TAS2R1: variants seen among roughly 807,000 people sequenced by gnomAD.
TAS2R1 encodes taste 2 receptor member 1.
For missense variants in TAS2R1, 370 were observed against 353.4 expected, an observed-to-expected ratio of 1.05 and a Z score of -0.38; for synonymous variants, 141 against 134.2, an observed-to-expected ratio of 1.05 and a Z score of -0.35.
intron 1 of TAS2R1, among the ~76,000 whole-genome samples, chr5:9,705,391 T>C (rs963212083): frequency 3.9e-5 from 6 of 152,056 alleles, no homozygotes; most frequent in African/African-American, 1.4e-4. Flanking sequence ...ACTAAGCTAT[T>C]TAATGAAAAG....
the TAS2R1 span, among the ~76,000 whole-genome samples, chr5:9,829,457 T>C: frequency 0.29 from 43,345 of 152,082 alleles, 6,944 homozygotes; most frequent in Non-Finnish European, 0.37. Flanking sequence ...TATCTTATCT[T>C]TGTGACCATA....
At chr5:9,855,907 C>T in the TAS2R1 span, among the ~76,000 whole-genome samples, 56 of 151,346 alleles carry the variant, frequency 3.7e-4, 2 homozygotes, top group East Asian at 0.011. Context: ...ATATTATAGC[C>T]CTACATTCTG....
chr5:9,793,464 G>C, the TAS2R1 span, among the ~76,000 whole-genome samples: 1 of 152,144 alleles, frequency 6.6e-6, no homozygotes, highest in South Asian at 2.1e-4. Context: ...ACAGTAAATG[G>C]GAAAACCTTA....
the TAS2R1 span, among the ~76,000 whole-genome samples, chr5:9,774,863 TGTGCTGGGTCAGACCTGAGGCCACCACA>T: frequency 7.2e-5 from 11 of 152,150 alleles, no homozygotes; most frequent in East Asian, 1.7e-3. Context: ...CCAGTGGGAG[TGTGCTGGGTCAGACCTGAGGCCACCACA>T]GTGCTTGGTC....
At chr5:9,677,494 A>G (rs1245278560) in intron 1 of TAS2R1, among the ~76,000 whole-genome samples, 1 of 152,166 alleles carries the variant, frequency 6.6e-6, no homozygotes, top group Non-Finnish European at 1.5e-5. Context: ...AAGCATCTGT[A>G]TTTCAAATGT....
At chr5:9,652,654 T>C (rs139836894) in intron 2 of TAS2R1, among the ~76,000 whole-genome samples, 177 of 152,310 alleles carry the variant, frequency 1.2e-3, no homozygotes, top group African/African-American at 4.2e-3. Flanking sequence ...AATTCAGGGC[T>C]TGTTTGTTTT....
the TAS2R1 span, among the ~76,000 whole-genome samples, chr5:9,897,930 C>T: frequency 6.6e-5 from 10 of 152,136 alleles, no homozygotes; most frequent in Non-Finnish European, 1.5e-4. Flanking sequence ...GAGCCAAGGA[C>T]GCATCTTCAA....
At chr5:9,724,741 G>A in the TAS2R1 span, among the ~76,000 whole-genome samples, 1 of 152,188 alleles carries the variant, frequency 6.6e-6, no homozygotes, top group Non-Finnish European at 1.5e-5. Flanking sequence ...GTCTTCTCTG[G>A]TGTGTGGCTT....
the TAS2R1 span, among the ~76,000 whole-genome samples, chr5:9,792,568 G>T: frequency 6.6e-6 from 1 of 152,242 alleles, no homozygotes; most frequent in South Asian, 2.1e-4. Flanking sequence ...CATTCCAAAA[G>T]GATATAAAAC....
chr5:9,738,621 G>T, the TAS2R1 span, among the ~76,000 whole-genome samples: 3 of 152,108 alleles, frequency 2.0e-5, no homozygotes, highest in Non-Finnish European at 2.9e-5. Flanking sequence ...GCCCTCGTGG[G>T]TGATCAACCT....
chr5:9,787,150 T>C, the TAS2R1 span, among the ~76,000 whole-genome samples: 4 of 152,164 alleles, frequency 2.6e-5, no homozygotes, highest in South Asian at 2.1e-4. Flanking sequence ...TAGCACATCA[T>C]AGACAGTCAA....
chr5:9,792,809 T>A, the TAS2R1 span, among the ~76,000 whole-genome samples: 1 of 152,202 alleles, frequency 6.6e-6, no homozygotes, highest in Non-Finnish European at 1.5e-5. Context: ...AAGAAGAACA[T>A]GAAGGCCTCT....
the TAS2R1 span, among the ~76,000 whole-genome samples, chr5:9,902,956 ATG>A: frequency 6.6e-6 from 1 of 151,996 alleles, no homozygotes; most frequent in Non-Finnish European, 1.5e-5. Flanking sequence ...TTAAAAAAAA[ATG>A]TGTGAGTATG....
chr5:9,820,123 C>A, the TAS2R1 span, among the ~76,000 whole-genome samples: 34 of 151,994 alleles, frequency 2.2e-4, no homozygotes, highest in African/African-American at 7.5e-4. Flanking sequence ...AAGCAAACAG[C>A]CCCTTCTTTT....
the TAS2R1 span, among the ~76,000 whole-genome samples, chr5:9,733,860 CT>C: frequency 8.7e-5 from 13 of 149,224 alleles, no homozygotes; most frequent in South Asian, 4.2e-4. Flanking sequence ...AATTGCATTG[CT>C]TTTTTTTTTC....
intron 1 of TAS2R1, among the ~76,000 whole-genome samples, chr5:9,679,345 A>C (rs1487426829): frequency 1.3e-5 from 2 of 152,238 alleles, no homozygotes; most frequent in African/African-American, 4.8e-5. Flanking sequence ...AACCTTAGTG[A>C]ATATGAATTT....
chr5:9,689,613 T>G (rs1741195329), intron 1 of TAS2R1, among the ~76,000 whole-genome samples: 1 of 152,208 alleles, frequency 6.6e-6, no homozygotes, highest in Non-Finnish European at 1.5e-5. Flanking sequence ...TTTATCACAA[T>G]GTAATACATT....
chr5:9,871,662 G>A, the TAS2R1 span, among the ~76,000 whole-genome samples: 1 of 152,116 alleles, frequency 6.6e-6, no homozygotes, highest in African/African-American at 2.4e-5. Flanking sequence ...GCATAAAAAG[G>A]TGCCATCTGA....
chr5:9,723,483 C>T, the TAS2R1 span, among the ~76,000 whole-genome samples: 1 of 152,218 alleles, frequency 6.6e-6, no homozygotes, highest in African/African-American at 2.4e-5. Flanking sequence ...ACTCCTGCCA[C>T]ACCTGTTCCC....
Sources: allele counts gnomAD v4.1 joint callset (sites outside exome capture counted in the v4.1 genomes callset), GRCh38; gene constraint gnomAD v4.1.1; transcripts MANE v1.5; gene names NCBI Gene and HGNC (gene_info 2026-07-23, HGNC 2026-07-21).